PRSS48: variants seen among roughly 807,000 people sequenced by gnomAD.
PRSS48 encodes epidermis-specific serine protease-like protein.
PRSS48 carries 21 observed loss-of-function variants against 25.6 expected under a neutral mutation model. The observed-to-expected ratio is 0.82, with a 90% CI of 0.58 to 1.18. PRSS48 has a LOEUF of 1.18. PRSS48 is among the 50% of genes most tolerant of loss of function. The probability of loss-of-function intolerance (pLI) is 0.00; values close to 1 mark genes in which losing one functional copy is unlikely to be tolerated. For missense variants in PRSS48, 373 were observed against 399.3 expected, an observed-to-expected ratio of 0.93 and a Z score of 0.56; for synonymous variants, 150 against 149.3, an observed-to-expected ratio of 1.00 and a Z score of -0.04.
chr4:151,283,779 T>C (rs1178312917), intron 4 of PRSS48, among the ~76,000 whole-genome samples: 1 of 152,104 alleles, frequency 6.6e-6, no homozygotes, highest in Non-Finnish European at 1.5e-5. Flanking sequence ...CCTCCTTGGG[T>C]TGCTAGACTT....
At chr4:151,278,814 G>A (rs1325217372) in intron 1 of PRSS48, among the ~76,000 whole-genome samples, 2 of 152,056 alleles carry the variant, frequency 1.3e-5, no homozygotes, top group Non-Finnish European at 2.9e-5. Context: ...TATATTTTTT[G>A]TAGAGACGGT....
In PRSS48 at chr4:151,286,655, T is replaced by C. The variant is rs552826502; in HGVS notation, c.651+3369T>C. ...AAAGACCAGGTCCAGATAGAATTCA[T>C]TGATGAATTCTACCAAACATTTAAA... On this transcript the variant is annotated intron_variant, in intron 4 of 4. Transcript: ENST00000455694. 5.8e-4 allele frequency among the ~76,000 whole-genome samples: 87 copies of C among 150,972 alleles called. 1 individual carries two copies. The highest frequency in any genetic ancestry group is 1.8e-3 in the Admixed American group (28 of 15,180).
chr4:151,291,431 G>A, exon 5 of PRSS48: 1 of 1,611,800 alleles, frequency 6.2e-7, no homozygotes, highest in Non-Finnish European at 8.5e-7. Flanking sequence ...AATGCATGGA[G>A]ATTTAGTCCC....
chr4:151,290,438 A>C (rs2150018312), intron 4 of PRSS48, among the ~76,000 whole-genome samples: 1 of 152,312 alleles, frequency 6.6e-6, no homozygotes, highest in South Asian at 2.1e-4. Context: ...CCAGACACAA[A>C]AGGTCAGATA....
At position 151,282,209 on chromosome 4, in the gene PRSS48, A is replaced by T. The variant is rs1224121063; in HGVS notation, c.277A>T (p.Lys93Ter). 1.2e-6 allele frequency: 2 copies of T among 1,613,956 alleles called. No homozygotes were observed. Among genetic ancestry groups the T allele is most frequent in the Admixed American group, 3.3e-5 (2 of 60,024 alleles). The change falls in exon 3 of 5, where the codon AAA (lysine) becomes TAA (stop). Residue 93 changes from lysine (K) to a stop codon, truncating the protein, a stop_gained. Coordinates refer to ENST00000455694, the Ensembl canonical transcript of PRSS48. LOFTEE classifies it high-confidence loss of function. Reference sequence around the variant, plus strand: ...ATCGATTACAGTAGGTGACTCAAGGAAACGTGTGAAGTACTACGTGTCCAA... The same window carrying T: ...ATCGATTACAGTAGGTGACTCAAGGTAACGTGTGAAGTACTACGTGTCCAA...
At chr4:151,279,374 G>T (rs926134903) in intron 1 of PRSS48, among the ~76,000 whole-genome samples, 1 of 152,146 alleles carries the variant, frequency 6.6e-6, no homozygotes, top group African/African-American at 2.4e-5. Flanking sequence ...TAAGTTAAAT[G>T]ATATTCCATG....
At chr4:151,281,179 T>C (rs1333056574) in intron 2 of PRSS48, among the ~76,000 whole-genome samples, 2 of 152,154 alleles carry the variant, frequency 1.3e-5, no homozygotes, top group Non-Finnish European at 2.9e-5. Context: ...ATAGTATTGA[T>C]AGAATGCCTG....
chr4:151,286,195 A>AC (rs1554067160), intron 4 of PRSS48, among the ~76,000 whole-genome samples: 2 of 149,916 alleles, frequency 1.3e-5, no homozygotes, highest in African/African-American at 2.5e-5. Flanking sequence ...AAAAAAAAAA[A>AC]AAAAAAAAAC....
At chr4:151,291,222 C>T (rs1030930665) in exon 5 of PRSS48, 8 of 1,613,648 alleles carry the variant, frequency 5.0e-6, no homozygotes, top group African/African-American at 1.3e-5. Flanking sequence ...CTGGAGTCTA[C>T]ACCAATGTAA....
intron 1 of PRSS48, 83 bp from the exon 2 acceptor site, chr4:151,279,713 G>T: frequency 7.5e-7 from 1 of 1,339,206 alleles, no homozygotes; most frequent in South Asian, 1.3e-5. Flanking sequence ...GGAATAGATG[G>T]GAGTTTGGGA....
chr4:151,282,448 G>C lies in PRSS48; in HGVS notation c.481+35G>C, dbSNP rs758150734. On this transcript the variant is annotated intron_variant, in intron 3 of 4. Transcript: ENST00000455694. Reference sequence around the variant, plus strand: ...GGCAGAGAGAAGGGTTGTTTCATATGTCATCCTCTTGTACTCCAGAACATT... The same window carrying C: ...GGCAGAGAGAAGGGTTGTTTCATATCTCATCCTCTTGTACTCCAGAACATT... 19 of 1,608,278 alleles carry C rather than the reference G, an allele frequency of 1.2e-5. No individual in the cohort carries two copies. The African/African-American group carries it at 2.1e-4, about 18-fold the overall frequency.
intron 4 of PRSS48, among the ~76,000 whole-genome samples, chr4:151,287,346 A>C: frequency 6.6e-6 from 1 of 150,498 alleles, no homozygotes; most frequent in South Asian, 2.1e-4. Context: ...GTCTCCAAAA[A>C]AAAAAAAAAA....
chr4:151,284,352 T>C (rs140617116), intron 4 of PRSS48, among the ~76,000 whole-genome samples: 2 of 152,204 alleles, frequency 1.3e-5, no homozygotes, highest in Non-Finnish European at 2.9e-5. Context: ...ACATTTTAAG[T>C]CCATCTAGTG....
chr4:151,291,140 C>T lies in PRSS48; in HGVS notation c.674C>T (p.Ser225Leu), dbSNP rs764443975. 7.4e-6 allele frequency: 12 copies of T among 1,612,620 alleles called. No homozygotes were observed. In the East Asian group the frequency reaches 1.6e-4, roughly 21 times the overall value. The change falls in exon 5 of 5, where the codon TCG (serine) becomes TTG (leucine). Residue 225 changes from serine (S) to leucine (L), a missense_variant. By Grantham distance (145) the Ser-to-Leu change is moderately radical. Transcript: ENST00000455694. ...TAGGGTGATTCTGGAGGGCCTCTGT[C>T]GTGTCACATTGATGGTGTATGGATC...
At chr4:151,284,977 A>G (rs981082423) in intron 4 of PRSS48, among the ~76,000 whole-genome samples, 1 of 152,112 alleles carries the variant, frequency 6.6e-6, no homozygotes, top group Admixed American at 6.5e-5. Context: ...GCACTTTCCA[A>G]CTGCTAAGGT....
intron 4 of PRSS48, among the ~76,000 whole-genome samples, chr4:151,289,370 A>G (rs1775112152): frequency 6.6e-6 from 1 of 152,248 alleles, no homozygotes; most frequent in Non-Finnish European, 1.5e-5. Context: ...CAACAAAAAA[A>G]GTAGATTAGA....
chr4:151,277,245 G>C (rs1773718100), intron 1 of PRSS48, 21 bp downstream of exon 1: 3 of 1,484,286 alleles, frequency 2.0e-6, no homozygotes, highest in East Asian at 5.0e-5. Flanking sequence ...GGGTGGGGTT[G>C]AGAAGGCAGA....
intron 4 of PRSS48, among the ~76,000 whole-genome samples, chr4:151,286,472 C>A (rs1195672528): frequency 1.3e-5 from 2 of 151,014 alleles, no homozygotes; most frequent in Non-Finnish European, 2.9e-5. Flanking sequence ...TAACAGTATG[C>A]CAAAAAATTA....
chr4:151,283,279 G>C, exon 4 of PRSS48: 1 of 1,613,482 alleles, frequency 6.2e-7, no homozygotes, highest in South Asian at 1.1e-5. Flanking sequence ...ATGAAGGATA[G>C]TTGCAAGGTC....
Sources: allele counts gnomAD v4.1 joint callset (sites outside exome capture counted in the v4.1 genomes callset), GRCh38; gene constraint gnomAD v4.1.1; transcripts MANE v1.5; gene names NCBI Gene and HGNC (gene_info 2026-07-23, HGNC 2026-07-21).